Variants in SCRG1 observed in about 807,000 individuals in gnomAD.
SCRG1 encodes the protein scrapie-responsive protein 1.
In SCRG1, 3 loss-of-function variants were observed where a neutral mutation model predicts 7.7. That is an observed-to-expected ratio of 0.39 (90% CI 0.18 to 1.01). The LOEUF is 1.01. Among genes scored for constraint, SCRG1 ranks in the 50% least tolerant of loss-of-function variants. SCRG1 has a pLI of 0.36. For synonymous variants in SCRG1, 46 were observed against 41.2 expected (o/e 1.12, Z -0.44); for missense variants, 110 against 117.2 (o/e 0.94, Z 0.28).
At chr4:173,453,741 AG>A in the SCRG1 span, among the ~76,000 whole-genome samples, 1 of 152,208 alleles carries the variant, frequency 6.6e-6, no homozygotes, top group African/African-American at 2.4e-5. Context: ...GTGCTACACA[AG>A]TACCAGAAAC....
chr4:173,485,574 C>G, the SCRG1 span, among the ~76,000 whole-genome samples: 2 of 151,962 alleles, frequency 1.3e-5, no homozygotes, highest in Admixed American at 1.3e-4. Context: ...TTAAGTTTTG[C>G]GATAGTTTGT....
the SCRG1 span, among the ~76,000 whole-genome samples, chr4:173,478,500 A>C: frequency 2.9e-3 from 438 of 152,196 alleles, 2 homozygotes; most frequent in African/African-American, 1.0e-2. Context: ...TGCCTATAAG[A>C]CTTCTGAATA....
the SCRG1 span, among the ~76,000 whole-genome samples, chr4:173,457,933 A>G: frequency 6.6e-6 from 1 of 152,138 alleles, no homozygotes; most frequent in East Asian, 1.9e-4. Context: ...AGAGCTTTCT[A>G]TTGATAAAAG....
the SCRG1 span, among the ~76,000 whole-genome samples, chr4:173,458,340 A>G: frequency 6.6e-6 from 1 of 152,242 alleles, no homozygotes; most frequent in African/African-American, 2.4e-5. Context: ...CAAGTTACAT[A>G]TGTAATTTTG....
chr4:173,482,446 A>G, the SCRG1 span, among the ~76,000 whole-genome samples: 1 of 152,138 alleles, frequency 6.6e-6, no homozygotes, highest in Non-Finnish European at 1.5e-5. Flanking sequence ...AGTAACTTCC[A>G]TCTAAACATA....
At chr4:173,412,092 C>T in the SCRG1 span, among the ~76,000 whole-genome samples, 3 of 152,198 alleles carry the variant, frequency 2.0e-5, no homozygotes, top group Admixed American at 1.3e-4. Context: ...TCTCAGCTTC[C>T]ACCTTGGTCT....
At chr4:173,485,096 T>TATATATTATATA in the SCRG1 span, among the ~76,000 whole-genome samples, 6 of 41,950 alleles carry the variant, frequency 1.4e-4, 1 homozygote, top group African/African-American at 6.7e-4. Context: ...TATTATATAT[T>TATATATTATATA]ATATATTATA....
the SCRG1 span, among the ~76,000 whole-genome samples, chr4:173,514,921 A>G: frequency 2.0e-5 from 3 of 152,322 alleles, no homozygotes; most frequent in East Asian, 5.8e-4. Context: ...AATAATATCT[A>G]TTCTATCCTT....
chr4:173,440,172 G>A, the SCRG1 span, among the ~76,000 whole-genome samples: 1 of 152,304 alleles, frequency 6.6e-6, no homozygotes, highest in Admixed American at 6.5e-5. Flanking sequence ...TAGGGGAGTG[G>A]TTAGCAGTAT....
upstream of SCRG1, among the ~76,000 whole-genome samples, chr4:173,408,296 T>C (rs1327245143): frequency 6.6e-6 from 1 of 152,192 alleles, no homozygotes; most frequent in African/African-American, 2.4e-5. Context: ...CTGTCTTCTA[T>C]CAAATGACAA....
At chr4:173,467,550 G>T in the SCRG1 span, among the ~76,000 whole-genome samples, 1 of 152,080 alleles carries the variant, frequency 6.6e-6, no homozygotes, top group African/African-American at 2.4e-5. Context: ...GATTGTTTTG[G>T]GAGAACTTTG....
At chr4:173,438,127 A>T in the SCRG1 span, among the ~76,000 whole-genome samples, 1 of 151,974 alleles carries the variant, frequency 6.6e-6, no homozygotes, top group African/African-American at 2.4e-5. Context: ...TAATTTATTT[A>T]TTTTGGAGAC....
the SCRG1 span, among the ~76,000 whole-genome samples, chr4:173,476,361 A>AT: frequency 0.087 from 4,475 of 51,394 alleles, 366 homozygotes; most frequent in African/African-American, 0.2. Context: ...GGGGAAAAAA[A>AT]AAATATATAT....
the SCRG1 span, among the ~76,000 whole-genome samples, chr4:173,512,430 A>T: frequency 6.6e-6 from 1 of 152,236 alleles, no homozygotes; most frequent in African/African-American, 2.4e-5. Flanking sequence ...AAAGAAGAGA[A>T]ATTTTTGGTA....
At chr4:173,483,934 A>AATATATGTTATATATTTCATATG in the SCRG1 span, among the ~76,000 whole-genome samples, 4 of 92,594 alleles carry the variant, frequency 4.3e-5, no homozygotes, top group African/African-American at 1.8e-4. Flanking sequence ...TATTTCATAT[A>AATATATGTTATATATTTCATATG]TAATATAAAT....
the SCRG1 span, among the ~76,000 whole-genome samples, chr4:173,438,580 T>G: frequency 6.6e-6 from 1 of 152,188 alleles, no homozygotes; most frequent in Non-Finnish European, 1.5e-5. Flanking sequence ...GATCAATCAA[T>G]GACTAATATA....
chr4:173,449,488 T>C, the SCRG1 span, among the ~76,000 whole-genome samples: 580 of 145,780 alleles, frequency 4.0e-3, 2 homozygotes, highest in African/African-American at 0.014. Flanking sequence ...AGGGCATAGC[T>C]GGCCTTGTCA....
At chr4:173,464,347 C>T in the SCRG1 span, among the ~76,000 whole-genome samples, 2 of 152,032 alleles carry the variant, frequency 1.3e-5, no homozygotes, top group African/African-American at 2.4e-5. Flanking sequence ...AGGACTAGAA[C>T]GTGTTTATTC....
At chr4:173,421,067 T>C in the SCRG1 span, among the ~76,000 whole-genome samples, 10 of 152,212 alleles carry the variant, frequency 6.6e-5, no homozygotes, top group Non-Finnish European at 1.2e-4. Context: ...TCTGGCTTGA[T>C]AGCTCGTGCC....
Sources: allele counts gnomAD v4.1 joint callset (sites outside exome capture counted in the v4.1 genomes callset), GRCh38; gene constraint gnomAD v4.1.1; transcripts MANE v1.5; gene names NCBI Gene and HGNC (gene_info 2026-07-23, HGNC 2026-07-21).